NEDD4L: variants seen among roughly 807,000 people sequenced by gnomAD.
The protein encoded by NEDD4L is E3 ubiquitin-protein ligase NEDD4-like.
In NEDD4L, 54 loss-of-function variants were observed where a neutral mutation model predicts 148.9. The observed-to-expected ratio is 0.36, with a 90% CI of 0.29 to 0.45. The LOEUF is 0.45. Among genes scored for constraint, NEDD4L ranks in the 20% least tolerant of loss-of-function variants. The pLI, the probability that NEDD4L is intolerant of heterozygous loss-of-function variation, is 1.00. For missense variants in NEDD4L, 856 were observed against 1,233.8 expected, an observed-to-expected ratio of 0.69 and a Z score of 4.59; for synonymous variants, 433 against 440.7, an observed-to-expected ratio of 0.98 and a Z score of 0.22.
intron 1 of NEDD4L, among the ~76,000 whole-genome samples, chr18:58,065,172 A>G (rs1195377510): frequency 1.3e-5 from 2 of 152,226 alleles, no homozygotes; most frequent in Non-Finnish European, 2.9e-5. Flanking sequence ...TTACTTTCAA[A>G]GACAGTTTGG....
chr18:58,257,516 G>A (rs762844846), intron 5 of NEDD4L, among the ~76,000 whole-genome samples: 18 of 152,130 alleles, frequency 1.2e-4, no homozygotes, highest in Non-Finnish European at 1.9e-4. Context: ...GTCAGATGGC[G>A]TGGCGTGCAA....
At chr18:58,295,831 T>C (rs544093388) in intron 5 of NEDD4L, among the ~76,000 whole-genome samples, 9 of 152,170 alleles carry the variant, frequency 5.9e-5, no homozygotes, top group African/African-American at 2.2e-4. Flanking sequence ...TTAGGGGAGA[T>C]TCCTGGCAGA....
At position 58,121,922 on chromosome 18, in the gene NEDD4L, T is replaced by G. The variant is rs555182001; in HGVS notation, c.49-43866T>G. On this transcript the variant is annotated intron_variant, in intron 1 of 30. Coordinates refer to ENST00000400345, the MANE Select transcript of NEDD4L (RefSeq NM_001144967.3). ...GTGAAGCCTTTGAGACCTTTTTCTCTGCACACCCATATATGTGTTTTTTCT... is the reference window on the plus strand; with the variant it reads ...GTGAAGCCTTTGAGACCTTTTTCTCGGCACACCCATATATGTGTTTTTTCT... 6.6e-5 allele frequency among the ~76,000 whole-genome samples: 10 copies of G among 152,360 alleles called. No individual in the cohort carries two copies. In the South Asian group the frequency reaches 2.1e-3, roughly 32 times the overall value.
chr18:58,061,908 C>A (rs561867748), intron 1 of NEDD4L, among the ~76,000 whole-genome samples: 2 of 145,602 alleles, frequency 1.4e-5, no homozygotes, highest in East Asian at 4.2e-4. Context: ...AGGAAGGTTT[C>A]TGATTCTTTT....
intron 2 of NEDD4L, among the ~76,000 whole-genome samples, chr18:58,173,796 A>G (rs989449792): frequency 6.6e-6 from 1 of 152,240 alleles, no homozygotes; most frequent in African/African-American, 2.4e-5. Context: ...AATGGACTCT[A>G]TTACCTGATC....
chr18:58,062,389 G>C (rs1402875138), intron 1 of NEDD4L, among the ~76,000 whole-genome samples: 3 of 152,090 alleles, frequency 2.0e-5, no homozygotes, highest in African/African-American at 7.2e-5. Context: ...GCTTAGAGGG[G>C]CATTTCGGGG....
intron 5 of NEDD4L, among the ~76,000 whole-genome samples, chr18:58,268,704 G>A (rs553824053): frequency 4.6e-5 from 7 of 152,160 alleles, no homozygotes; most frequent in East Asian, 3.9e-4. Flanking sequence ...TCTTTAGAAC[G>A]TGGATTTAAA....
chr18:58,084,953 C>G (rs537887644), intron 1 of NEDD4L, among the ~76,000 whole-genome samples: 1 of 152,078 alleles, frequency 6.6e-6, no homozygotes, highest in Non-Finnish European at 1.5e-5. Context: ...CCTCAGCCCC[C>G]CAACATGCTA....
intron 1 of NEDD4L, among the ~76,000 whole-genome samples, chr18:58,161,731 G>A (rs1297289691): frequency 6.6e-6 from 1 of 152,132 alleles, no homozygotes; most frequent in Non-Finnish European, 1.5e-5. Flanking sequence ...GGTGGGGGGT[G>A]CTTGGCTCTA....
chr18:58,345,568 C>T (rs2046470494), intron 16 of NEDD4L, among the ~76,000 whole-genome samples: 1 of 152,128 alleles, frequency 6.6e-6, no homozygotes, highest in Admixed American at 6.5e-5. Context: ...ACTGTTGATT[C>T]TTACACCAAC....
chr18:58,204,314 T>G (rs2147501578), intron 2 of NEDD4L, among the ~76,000 whole-genome samples: 1 of 151,538 alleles, frequency 6.6e-6, no homozygotes, highest in South Asian at 2.1e-4. Flanking sequence ...GGCAACAGAG[T>G]GAGACTCCTT....
At chr18:58,075,112 A>G (rs2083091579) in intron 1 of NEDD4L, among the ~76,000 whole-genome samples, 1 of 152,198 alleles carries the variant, frequency 6.6e-6, no homozygotes, top group South Asian at 2.1e-4. Flanking sequence ...GATCCAATTT[A>G]TGATGGAGTT....
intron 1 of NEDD4L, among the ~76,000 whole-genome samples, chr18:58,098,709 G>GC (rs1261299915): frequency 5.9e-5 from 9 of 152,040 alleles, no homozygotes; most frequent in Non-Finnish European, 1.3e-4. Flanking sequence ...TATTTCTGGA[G>GC]CCCCCCAGAA....
intron 5 of NEDD4L, chr18:58,314,639 A>T (rs1054541977): frequency 6.6e-6 from 1 of 152,238 alleles, no homozygotes; most frequent in African/African-American, 2.4e-5. Context: ...TCTATGCTAG[A>T]TGAGGCGTCT....
chr18:58,350,908 A>C, intron 17 of NEDD4L, 83 bp from the exon 18 acceptor site: 1 of 1,049,280 alleles, frequency 9.5e-7, no homozygotes, highest in East Asian at 2.6e-5. Flanking sequence ...GAGGTGTTCT[A>C]TAGTTTTTAA....
chr18:58,107,250 A>C (rs1176708320), intron 1 of NEDD4L, among the ~76,000 whole-genome samples: 1 of 152,252 alleles, frequency 6.6e-6, no homozygotes, highest in East Asian at 1.9e-4. Context: ...ACTGGGGATT[A>C]GGATTTCAAT....
intron 1 of NEDD4L, among the ~76,000 whole-genome samples, chr18:58,088,322 T>A (rs143054143): frequency 2.6e-5 from 4 of 152,312 alleles, no homozygotes; most frequent in Non-Finnish European, 5.9e-5. Context: ...GAGGCAAGAA[T>A]TATTGGGGGC....
intron 29 of NEDD4L, 40 bp downstream of exon 29, chr18:58,390,782 A>G: frequency 1.4e-6 from 2 of 1,447,538 alleles, no homozygotes; most frequent in Non-Finnish European, 1.9e-6. Flanking sequence ...CCTCCTGGGA[A>G]TTTCCAGCCA....
At chr18:58,222,418 A>G (rs776953367) in intron 2 of NEDD4L, among the ~76,000 whole-genome samples, 18 of 152,216 alleles carry the variant, frequency 1.2e-4, no homozygotes, top group Non-Finnish European at 1.5e-4. Flanking sequence ...AAATTTTATT[A>G]TATTTTTTGT....
Sources: gnomAD v4.1 joint callset for allele counts (sites outside exome capture counted in the v4.1 genomes callset) on GRCh38, gnomAD v4.1.1 for gene constraint, MANE v1.5 for transcripts, NCBI Gene and HGNC (gene_info 2026-07-23, HGNC 2026-07-21) for gene names.